The following STAG2 variants were observed in gnomAD, a reference collection of about 807,000 sequenced individuals.
STAG2 encodes STAG2 cohesin complex component.
A neutral mutation model predicts 108.1 loss-of-function variants in STAG2; 14 were observed. The observed-to-expected ratio is 0.13, with a 90% CI of 0.09 to 0.20. The LOEUF is 0.20. Among genes scored for constraint, STAG2 ranks in the 10% least tolerant of loss-of-function variants. The pLI is 1.00. For missense variants in STAG2, 440 were observed against 940.9 expected (o/e 0.47, Z 6.96); for synonymous variants, 307 against 302.7 (o/e 1.01, Z -0.15).
At chrX:124,029,939 AT>A (rs774939566) in intron 4 of STAG2, among the ~76,000 whole-genome samples, 66 of 110,918 alleles carry the variant, frequency 6.0e-4, no homozygotes, top group African/African-American at 2.0e-3. Context: ...CTTTTCACTG[AT>A]TTTTTTGATG....
chrX:124,092,141 A>G (rs1305770778), intron 32 of STAG2, among the ~76,000 whole-genome samples: 2 of 111,039 alleles, frequency 1.8e-5, no homozygotes, highest in Non-Finnish European at 3.8e-5. Context: ...TTAGATGTTA[A>G]GAATTTTACC....
At chrX:124,070,205 C>G (rs1401442949) in intron 24 of STAG2, among the ~76,000 whole-genome samples, 1 of 111,731 alleles carries the variant, frequency 9.0e-6, no homozygotes, top group East Asian at 2.8e-4. Context: ...TATATCCTTA[C>G]TCTTTATGTT....
At chrX:124,012,377 T>C (rs767200131) in intron 1 of STAG2, among the ~76,000 whole-genome samples, 4 of 111,103 alleles carry the variant, frequency 3.6e-5, no homozygotes, top group Non-Finnish European at 7.6e-5. Context: ...GTACCACATA[T>C]GTGTCTCCTG....
chrX:123,998,803 A>G (rs774888457), intron 1 of STAG2, among the ~76,000 whole-genome samples: 2 of 111,868 alleles, frequency 1.8e-5, no homozygotes, highest in African/African-American at 3.2e-5. Flanking sequence ...TGTAGAAAAA[A>G]TCTACAGATA....
intron 1 of STAG2, among the ~76,000 whole-genome samples, chrX:123,969,559 T>C (rs773127197): frequency 8.9e-6 from 1 of 111,801 alleles, no homozygotes; most frequent in Non-Finnish European, 1.9e-5. Flanking sequence ...TTCTTGTTCT[T>C]ACTGTTATCA....
intron 1 of STAG2, among the ~76,000 whole-genome samples, chrX:123,984,629 T>G (rs1009446850): frequency 9.0e-6 from 1 of 111,723 alleles, no homozygotes; most frequent in Non-Finnish European, 1.9e-5. Flanking sequence ...ATCTGGATAC[T>G]GATCAAAATA....
intron 28 of STAG2, among the ~76,000 whole-genome samples, chrX:124,082,258 C>T (rs2058980469): frequency 9.0e-6 from 1 of 111,618 alleles, no homozygotes; most frequent in Admixed American, 9.5e-5. Flanking sequence ...CCCTTCTTTC[C>T]ATCTGCATAT....
intron 24 of STAG2, 57 bp downstream of exon 24, chrX:124,068,713 C>A: frequency 1.2e-6 from 1 of 844,004 alleles, no homozygotes; most frequent in Non-Finnish European, 1.7e-6. Context: ...AAAATCTGAA[C>A]TAATGTAGAA....
At chrX:124,008,068 G>A (rs766450074) in intron 1 of STAG2, among the ~76,000 whole-genome samples, 1 of 111,125 alleles carries the variant, frequency 9.0e-6, no homozygotes, top group Admixed American at 9.6e-5. Flanking sequence ...CTGTGAAAGG[G>A]GACATAATGA....
chrX:123,965,206 A>G (rs1368517383), intron 1 of STAG2, among the ~76,000 whole-genome samples: 2 of 111,953 alleles, frequency 1.8e-5, no homozygotes, highest in Admixed American at 9.5e-5. Context: ...AAAATAGGTG[A>G]CATATTTCAA....
intron 29 of STAG2, among the ~76,000 whole-genome samples, chrX:124,084,365 G>A (rs2059042637): frequency 9.5e-6 from 1 of 105,756 alleles, no homozygotes; most frequent in Admixed American, 1.0e-4. Flanking sequence ...ATGAAGTTAG[G>A]TCTGTCCTTC....
chrX:124,059,436 CT>C (rs1479938029), intron 15 of STAG2, among the ~76,000 whole-genome samples: 1 of 111,862 alleles, frequency 8.9e-6, no homozygotes, highest in Non-Finnish European at 1.9e-5. Flanking sequence ...AGAATGTTCC[CT>C]TTTATTCTTT....
At chrX:124,090,428 G>C in intron 30 of STAG2, 147 bp from the exon 31 acceptor site, 1 of 483,740 alleles carries the variant, frequency 2.1e-6, no homozygotes, top group South Asian at 3.5e-5. Context: ...GCCAGGTCAG[G>C]GACTGCCCCT....
Position 124,094,047 on chromosome X carries a change from A to T in STAG2, c.3608A>T (p.Asp1203Val). ...IRRGTSLMEDDEEPIVEDVMM... is the reference protein window; with the variant it reads ...IRRGTSLMEDVEEPIVEDVMM... ...CGTGGCACAAGCCTAATGGAAGATG[A>T]TGAAGAGCCAATTGTGGAAGATGTT... is the stretch of plus-strand genomic sequence containing the variant. Residue 1203 changes from aspartate (D) to valine (V), a missense_variant, in exon 33 of 35, where the codon GAT becomes GTT. Physicochemically the swap from Asp to Val is radical, Grantham distance 152. Transcript: ENST00000371145. The T allele has an allele frequency of 2.5e-6, 3 of 1,210,215 alleles. No homozygotes were observed. Among genetic ancestry groups the T allele is most frequent in the Non-Finnish European group, 3.4e-6 (3 of 894,207 alleles).
intron 1 of STAG2, among the ~76,000 whole-genome samples, chrX:124,004,593 A>G (rs1468141880): frequency 1.8e-5 from 2 of 111,676 alleles, no homozygotes; most frequent in Non-Finnish European, 3.8e-5. Flanking sequence ...TTGTTCATCC[A>G]TTCATTCATT....
intron 1 of STAG2, among the ~76,000 whole-genome samples, chrX:124,016,828 A>G (rs1387904931): frequency 9.0e-6 from 1 of 111,414 alleles, no homozygotes; most frequent in East Asian, 2.8e-4. Context: ...TTAGCTGGGC[A>G]TGGTGGTGCT....
chrX:123,983,135 A>G (rs754010402), intron 1 of STAG2, among the ~76,000 whole-genome samples: 8 of 111,564 alleles, frequency 7.2e-5, no homozygotes, highest in Non-Finnish European at 1.5e-4. Flanking sequence ...CTTGTTTTTC[A>G]GCAAGGTATT....
chrX:124,009,443 G>GTAGGTAGGTAGGTAGGTAGATAGATAGA, intron 1 of STAG2, among the ~76,000 whole-genome samples: 1 of 63,596 alleles, frequency 1.6e-5, no homozygotes, highest in East Asian at 5.9e-4. Flanking sequence ...AGGTAGGTAG[G>GTAGGTAGGTAGGTAGGTAGATAGATAGA]TAGATAGATA....
At chrX:124,010,652 T>C (rs919993448) in intron 1 of STAG2, among the ~76,000 whole-genome samples, 1 of 111,540 alleles carries the variant, frequency 9.0e-6, no homozygotes, top group African/African-American at 3.3e-5. Context: ...AGCAAAGCGG[T>C]GTACAGCAGA....
Sources: gnomAD v4.1 joint callset for allele counts (sites outside exome capture counted in the v4.1 genomes callset) on GRCh38, gnomAD v4.1.1 for gene constraint, MANE v1.5 for transcripts, NCBI Gene and HGNC (gene_info 2026-07-23, HGNC 2026-07-21) for gene names.